The following B4GALT1 variants were observed in gnomAD, a reference collection of about 807,000 sequenced individuals.
The protein encoded by B4GALT1 is N-acetyllactosamine synthase.
Under a neutral mutation model 34.9 loss-of-function variants are expected in B4GALT1, and 16 were observed. The ratio of observed to expected loss-of-function variants is 0.46; its 90% CI spans 0.31 to 0.70. The LOEUF is 0.70. B4GALT1 is among the 30% of genes least tolerant of loss of function. The pLI is 0.05. For missense variants in B4GALT1, 445 were observed against 530.5 expected (o/e 0.84, Z 1.58); for synonymous variants, 221 against 218.1 (o/e 1.01, Z -0.12).
intron 1 of B4GALT1, among the ~76,000 whole-genome samples, chr9:33,160,724 G>A (rs1174729496): frequency 6.6e-6 from 1 of 151,986 alleles, no homozygotes; most frequent in Non-Finnish European, 1.5e-5. Flanking sequence ...CGTGATCACT[G>A]CACTCCAGCC....
intron 1 of B4GALT1, among the ~76,000 whole-genome samples, chr9:33,149,335 C>T (rs1467464577): frequency 2.6e-5 from 4 of 151,672 alleles, no homozygotes; most frequent in Non-Finnish European, 5.9e-5. Flanking sequence ...GGCTAGAGTG[C>T]AGTGGCGTGA....
At position 33,111,165 on chromosome 9, in the gene B4GALT1, G is replaced by C. The variant is rs1159457117; in HGVS notation, c.*2289C>G. 1 of 141,226 alleles carries C rather than the reference G, an allele frequency of 7.1e-6. No individual in the cohort carries two copies. Among genetic ancestry groups the C allele is most frequent in the African/African-American group, 2.6e-5 (1 of 38,508 alleles). The allele number at this position is 141,226 out of a possible 1,614,324, so 8.7% of individuals were successfully genotyped here. A position where few individuals can be genotyped will look rare whatever the true frequency, so the allele number is the denominator to read the frequency against. ...GCCTTGGGCCCAGGTGAGCCCATGA[G>C]AGCACTACGTCAGCAAATGGGGGGA... On this transcript the variant is annotated 3_prime_UTR_variant, in exon 6 of 6. Coordinates refer to ENST00000379731, the MANE Select transcript of B4GALT1 (RefSeq NM_001497.4).
the B4GALT1 span, among the ~76,000 whole-genome samples, chr9:33,174,017 A>G: frequency 6.6e-6 from 1 of 152,264 alleles, no homozygotes; most frequent in Admixed American, 6.5e-5. Flanking sequence ...ACCTAATTTC[A>G]AATACTGCCT....
At chr9:33,169,822 T>C (rs1840823727), upstream of B4GALT1, among the ~76,000 whole-genome samples, 1 of 148,836 alleles carries the variant, frequency 6.7e-6, no homozygotes, top group South Asian at 2.2e-4. Flanking sequence ...CGCCCGGCCT[T>C]AACCTGCTTG....
intron 2 of B4GALT1, among the ~76,000 whole-genome samples, chr9:33,121,992 A>C (rs2118063561): frequency 6.6e-6 from 1 of 152,296 alleles, no homozygotes; most frequent in East Asian, 1.9e-4. Flanking sequence ...TCAGCAGTTC[A>C]CAAAGCCTCC....
intron 1 of B4GALT1, among the ~76,000 whole-genome samples, chr9:33,149,427 C>A (rs562692869): frequency 6.6e-6 from 1 of 151,880 alleles, no homozygotes; most frequent in African/African-American, 2.4e-5. Flanking sequence ...ACTACAAATG[C>A]GCCACCACGC....
At chr9:33,152,545 CA>C (rs1189203760) in intron 1 of B4GALT1, among the ~76,000 whole-genome samples, 1 of 132,122 alleles carries the variant, frequency 7.6e-6, no homozygotes. Flanking sequence ...AAAAATGGGC[CA>C]AAAAAAGGGT....
At chr9:33,168,739 T>G (rs915742745), upstream of B4GALT1, among the ~76,000 whole-genome samples, 13 of 152,340 alleles carry the variant, frequency 8.5e-5, no homozygotes, top group Middle Eastern at 3.4e-3. Flanking sequence ...CTACACTTAC[T>G]GCCTCGGAAT....
upstream of B4GALT1, among the ~76,000 whole-genome samples, chr9:33,169,680 C>A (rs974289459): frequency 1.3e-5 from 2 of 151,950 alleles, no homozygotes; most frequent in Non-Finnish European, 2.9e-5. Context: ...GCCATCACGC[C>A]GGGCTAATTT....
In B4GALT1 at chr9:33,116,128, T is replaced by C; in HGVS notation, c.837-15A>G. On this transcript the variant is annotated splice_polypyrimidine_tract_variant and intron_variant, in intron 3 of 5. Transcript: ENST00000379731. ...CATAAGGTAGGCTGGAGGAAAAACA[T>C]ACACACAGAAGGAGCAGTGGTTAGT... The C allele has an allele frequency of 3.1e-6, 5 of 1,611,410 alleles. No homozygotes were observed. Among genetic ancestry groups the C allele is most frequent in the Non-Finnish European group, 2.5e-6 (3 of 1,178,362 alleles).
chr9:33,167,380 G>GGCCCCC (rs1840783984), upstream of B4GALT1: 4 of 531,712 alleles, frequency 7.5e-6, no homozygotes, highest in South Asian at 1.7e-4. Flanking sequence ...GGAGGGGCGG[G>GGCCCCC]GCCCCGGCGA....
intron 2 of B4GALT1, among the ~76,000 whole-genome samples, chr9:33,133,831 C>T (rs1300654749): frequency 2.0e-5 from 3 of 152,202 alleles, no homozygotes; most frequent in African/African-American, 7.2e-5. Context: ...GCTTCTGGTG[C>T]TTTCCTACCC....
At chr9:33,172,060 C>T (rs554479471), upstream of B4GALT1, among the ~76,000 whole-genome samples, 39 of 152,294 alleles carry the variant, frequency 2.6e-4, no homozygotes, top group South Asian at 3.9e-3. Flanking sequence ...CCGACCAAAG[C>T]GCAAAAGCAC....
rs1840376735 is a variant in B4GALT1, at chr9:33,143,078, G to A, written c.413-7654C>T. ...GAGAATCGCTGGAACCTGGGAAGTG[G>A]AGGCTGCAGTGAGCCGAGATCATGC... is the stretch of plus-strand genomic sequence containing the variant. On this transcript the variant is annotated intron_variant, in intron 1 of 5. Transcript: ENST00000379731. Among the ~76,000 whole-genome samples the A allele has an allele frequency of 2.6e-5, 4 of 152,206 alleles. No homozygotes were observed. The South Asian group carries it at 8.3e-4, about 32-fold the overall frequency.
At chr9:33,109,899 GT>G (rs941837801), downstream of B4GALT1, among the ~76,000 whole-genome samples, 17 of 151,812 alleles carry the variant, frequency 1.1e-4, no homozygotes, top group African/African-American at 3.6e-4. Context: ...AAAGAAACAG[GT>G]TTTTTTTTGT....
chr9:33,149,581 G>A (rs759362421), intron 1 of B4GALT1, among the ~76,000 whole-genome samples: 7 of 152,028 alleles, frequency 4.6e-5, no homozygotes, highest in East Asian at 1.9e-4. Flanking sequence ...TACTACGCCC[G>A]GCCAGATAGT....
chr9:33,178,117 G>A, the B4GALT1 span, among the ~76,000 whole-genome samples: 2 of 147,318 alleles, frequency 1.4e-5, no homozygotes, highest in African/African-American at 5.0e-5. Context: ...TCAGCCTCCC[G>A]AGTAGTTGGA....
intron 1 of B4GALT1, among the ~76,000 whole-genome samples, chr9:33,148,806 A>AAAAG (rs1285395365): frequency 1.5e-5 from 2 of 137,156 alleles, no homozygotes; most frequent in African/African-American, 5.0e-5. Context: ...CCTAAAAGTA[A>AAAAG]AAAAAAAAAA....
At chr9:33,171,452 C>T (rs755707106), upstream of B4GALT1, among the ~76,000 whole-genome samples, 1 of 152,178 alleles carries the variant, frequency 6.6e-6, no homozygotes, top group Non-Finnish European at 1.5e-5. Context: ...AGATGGAGAT[C>T]CCTGAAAGCC....
Sources: gnomAD v4.1 joint callset for allele counts (sites outside exome capture counted in the v4.1 genomes callset) on GRCh38, gnomAD v4.1.1 for gene constraint, MANE v1.5 for transcripts, NCBI Gene and HGNC (gene_info 2026-07-23, HGNC 2026-07-21) for gene names.